COL13A1: variants seen among roughly 807,000 people sequenced by gnomAD.
COL13A1 encodes the protein collagen alpha-1(XIII) chain.
COL13A1 carries 89 observed loss-of-function variants against 130.9 expected under a neutral mutation model. That is an observed-to-expected ratio of 0.68 (90% CI 0.57 to 0.81). The LOEUF (loss-of-function observed/expected upper bound fraction) is 0.81. Ranked by LOEUF, COL13A1 falls within the 30% of genes least tolerant of loss-of-function variation. The pLI, the probability that COL13A1 is intolerant of heterozygous loss-of-function variation, is 0.00. For synonymous variants in COL13A1, 402 were observed against 341.6 expected, an observed-to-expected ratio of 1.18 and a Z score of -1.95; for missense variants, 879 against 934.6, an observed-to-expected ratio of 0.94 and a Z score of 0.78.
At chr10:69,860,275 T>A (rs1857606170) in intron 2 of COL13A1, among the ~76,000 whole-genome samples, 1 of 152,190 alleles carries the variant, frequency 6.6e-6, no homozygotes, top group Non-Finnish European at 1.5e-5. Context: ...AAAGAAGCCC[T>A]CAAGGTCAGG....
intron 17 of COL13A1, among the ~76,000 whole-genome samples, chr10:69,916,633 C>T (rs1034001987): frequency 5.3e-5 from 8 of 152,140 alleles, no homozygotes; most frequent in African/African-American, 1.7e-4. Flanking sequence ...GGCAGTGCCA[C>T]GATGGTAGAG....
At chr10:69,848,999 C>G (rs7903891) in intron 2 of COL13A1, among the ~76,000 whole-genome samples, 2 of 152,240 alleles carry the variant, frequency 1.3e-5, no homozygotes, top group Non-Finnish European at 2.9e-5. Context: ...TTGACACCCC[C>G]CTGCACCACC....
chr10:69,880,443 C>T (rs998338544), intron 6 of COL13A1, 60 bp from the exon 7 acceptor site: 12 of 979,730 alleles, frequency 1.2e-5, no homozygotes, highest in Non-Finnish European at 1.5e-5. Context: ...CTCTTTCCCG[C>T]TCCTCTTCTC....
In COL13A1 at chr10:69,922,694, C is replaced by A. The variant is rs773006295; in HGVS notation, c.1144-14C>A. On this transcript the variant is annotated splice_polypyrimidine_tract_variant and intron_variant, in intron 22 of 40. Coordinates refer to ENST00000645393, the MANE Select transcript of COL13A1 (RefSeq NM_001368882.1). ...CTCCACACCAGGGATGCTAACTCCA[C>A]CTTCCACCCCCAGGGAGAGAAAGGC... The A allele has an allele frequency of 3.1e-6, 5 of 1,594,798 alleles. No individual in the cohort carries two copies. Among genetic ancestry groups the A allele is most frequent in the Admixed American group, 1.7e-5 (1 of 57,922 alleles).
chr10:69,802,931 C>T (rs1840442797), intron 1 of COL13A1, among the ~76,000 whole-genome samples: 1 of 152,222 alleles, frequency 6.6e-6, no homozygotes, highest in African/African-American at 2.4e-5. Flanking sequence ...CGACTCCCGC[C>T]TCGGGCAAGC....
intron 2 of COL13A1, among the ~76,000 whole-genome samples, chr10:69,832,153 G>A (rs1027347986): frequency 6.6e-6 from 1 of 152,198 alleles, no homozygotes; most frequent in African/African-American, 2.4e-5. Context: ...TGCTCAAAGC[G>A]TTGGCCTACT....
chr10:69,940,861 T>A, intron 34 of COL13A1, 127 bp from the exon 35 acceptor site: 1 of 1,300,580 alleles, frequency 7.7e-7, no homozygotes, highest in Non-Finnish European at 1.1e-6. Flanking sequence ...CAGTTGTGTT[T>A]GATTACCAGC....
At chr10:69,808,359 C>T (rs1842111233) in intron 1 of COL13A1, among the ~76,000 whole-genome samples, 1 of 152,232 alleles carries the variant, frequency 6.6e-6, no homozygotes, top group African/African-American at 2.4e-5. Context: ...TGTGGGCTCT[C>T]TCCCTGCTCC....
intron 4 of COL13A1, among the ~76,000 whole-genome samples, chr10:69,873,581 C>G (rs937815252): frequency 2.0e-5 from 3 of 152,202 alleles, no homozygotes; most frequent in African/African-American, 4.8e-5. Flanking sequence ...CATTTTATGG[C>G]CAGGACTGCA....
intron 1 of COL13A1, among the ~76,000 whole-genome samples, chr10:69,814,388 G>A (rs765416146): frequency 3.9e-4 from 59 of 152,218 alleles, no homozygotes; most frequent in Non-Finnish European, 7.3e-4. Context: ...GTATGCCATG[G>A]AGCCAGGGCA....
intron 6 of COL13A1, among the ~76,000 whole-genome samples, chr10:69,880,106 C>G (rs2059978569): frequency 6.6e-6 from 1 of 151,966 alleles, no homozygotes; most frequent in African/African-American, 2.4e-5. Flanking sequence ...GCTAAGTCTC[C>G]CCTCTCTCCC....
intron 2 of COL13A1, among the ~76,000 whole-genome samples, chr10:69,823,151 A>G (rs960236795): frequency 9.9e-5 from 15 of 152,222 alleles, no homozygotes; most frequent in Admixed American, 9.8e-4. Flanking sequence ...CACCTGTGTA[A>G]CAGCTGCGTA....
chr10:69,837,269 G>A (rs1043897468), intron 2 of COL13A1, among the ~76,000 whole-genome samples: 4 of 152,218 alleles, frequency 2.6e-5, no homozygotes, highest in East Asian at 3.8e-4. Flanking sequence ...GGCTGGTGTC[G>A]GTTCTGATTG....
intron 2 of COL13A1, among the ~76,000 whole-genome samples, chr10:69,828,196 G>A (rs1484229079): frequency 1.3e-5 from 2 of 152,146 alleles, no homozygotes; most frequent in Admixed American, 6.5e-5. Context: ...TGCTGTTCTC[G>A]TCAATATTCA....
At chr10:69,846,791 G>T (rs1328922003) in intron 2 of COL13A1, among the ~76,000 whole-genome samples, 1 of 152,232 alleles carries the variant, frequency 6.6e-6, no homozygotes, top group Non-Finnish European at 1.5e-5. Context: ...GGCAGAGGAA[G>T]TTTCCCTGGA....
At position 69,821,948 on chromosome 10, in the gene COL13A1, C is replaced by T. The variant is rs577325823; in HGVS notation, c.295-421C>T. 7.7e-4 allele frequency among the ~76,000 whole-genome samples: 117 copies of T among 152,264 alleles called. No individual in the cohort carries two copies. The Middle Eastern group carries it at 0.027, about 35-fold the overall frequency. ...TGCACCCCTGCCCAGCTTGCAAATG[C>T]TAGCTTTGTAAGGGACACCAGAAGA... On this transcript the variant is annotated intron_variant, in intron 1 of 40. Transcript: ENST00000645393.
intron 6 of COL13A1, 56 bp from the exon 7 acceptor site, chr10:69,880,447 T>C (rs757944021): frequency 9.8e-7 from 1 of 1,018,618 alleles, no homozygotes. Flanking sequence ...TTCCCGCTCC[T>C]CTTCTCCATA....
chr10:69,908,719 G>T (rs772818599), intron 17 of COL13A1, among the ~76,000 whole-genome samples: 2 of 152,186 alleles, frequency 1.3e-5, no homozygotes, highest in Non-Finnish European at 1.5e-5. Context: ...TGTAACCCAG[G>T]CTACATTGAA....
intron 2 of COL13A1, among the ~76,000 whole-genome samples, chr10:69,865,098 C>T (rs1859457824): frequency 6.6e-6 from 1 of 152,122 alleles, no homozygotes; most frequent in African/African-American, 2.4e-5. Context: ...AGGAAGACCC[C>T]AGGATGGGGA....
Sources: allele counts gnomAD v4.1 joint callset (sites outside exome capture counted in the v4.1 genomes callset), GRCh38; gene constraint gnomAD v4.1.1; transcripts MANE v1.5; gene names NCBI Gene and HGNC (gene_info 2026-07-23, HGNC 2026-07-21).